Variants in PRKN observed in about 807,000 individuals in gnomAD.
PRKN encodes E3 ubiquitin-protein ligase parkin.
PRKN carries 56 observed loss-of-function variants against 59.5 expected under a neutral mutation model. The observed-to-expected ratio is 0.94, with a 90% CI of 0.76 to 1.18. The LOEUF is 1.18. Ranked by LOEUF, PRKN falls within the 50% of genes most tolerant of loss-of-function variation. PRKN has a pLI of 0.00. For synonymous variants in PRKN, 250 were observed against 222.1 expected (o/e 1.13, Z -1.12); for missense variants, 657 against 596.4 (o/e 1.10, Z -1.06).
intron 7 of PRKN, among the ~76,000 whole-genome samples, chr6:161,594,090 G>A (rs1358098727): frequency 6.6e-6 from 1 of 152,108 alleles, no homozygotes; most frequent in Non-Finnish European, 1.5e-5. Flanking sequence ...TTGAACCCTG[G>A]AGGCAGAGGT....
chr6:161,745,256 AGAGGGG>A (rs1251624448), intron 7 of PRKN, among the ~76,000 whole-genome samples: 1 of 152,220 alleles, frequency 6.6e-6, no homozygotes, highest in Non-Finnish European at 1.5e-5. Flanking sequence ...ACATGTTTCC[AGAGGGG>A]GCCCTCAGTG....
At chr6:162,596,546 A>G (rs1306428032) in intron 1 of PRKN, among the ~76,000 whole-genome samples, 2 of 152,180 alleles carry the variant, frequency 1.3e-5, no homozygotes, top group Non-Finnish European at 2.9e-5. Flanking sequence ...AAATAAAGCA[A>G]TTGTCTTCTC....
intron 7 of PRKN, among the ~76,000 whole-genome samples, chr6:161,595,446 A>G (rs1446075388): frequency 3.9e-5 from 6 of 152,184 alleles, no homozygotes; most frequent in Non-Finnish European, 8.8e-5. Context: ...CTGCTTTCCC[A>G]TTGTTGTGTT....
At chr6:161,375,900 T>C (rs1785678784) in intron 10 of PRKN, among the ~76,000 whole-genome samples, 2 of 152,002 alleles carry the variant, frequency 1.3e-5, no homozygotes, top group Admixed American at 1.3e-4. Flanking sequence ...GGGTCCAGGG[T>C]CATGGATTCA....
At chr6:162,119,499 C>A (rs1263510691) in intron 4 of PRKN, among the ~76,000 whole-genome samples, 1 of 152,138 alleles carries the variant, frequency 6.6e-6, no homozygotes, top group East Asian at 1.9e-4. Context: ...CAACAGGAGG[C>A]AGGAATTCAC....
At chr6:162,555,302 C>T (rs1779516252) in intron 1 of PRKN, among the ~76,000 whole-genome samples, 1 of 152,182 alleles carries the variant, frequency 6.6e-6, no homozygotes, top group South Asian at 2.1e-4. Context: ...TCTAACCCAA[C>T]CAGTAAAATA....
intron 1 of PRKN, among the ~76,000 whole-genome samples, chr6:162,615,777 G>GGA (rs1782383946): frequency 6.6e-6 from 1 of 152,148 alleles, no homozygotes. Flanking sequence ...TAGAAGAGAG[G>GGA]GACGAAGAAC....
At chr6:162,004,519 T>C (rs933085516) in intron 5 of PRKN, among the ~76,000 whole-genome samples, 1 of 152,222 alleles carries the variant, frequency 6.6e-6, no homozygotes, top group Non-Finnish European at 1.5e-5. Context: ...ATTTGGTGCT[T>C]ACTGCTTAAT....
intron 6 of PRKN, among the ~76,000 whole-genome samples, chr6:161,968,039 G>A (rs1780648099): frequency 6.6e-6 from 1 of 151,108 alleles, no homozygotes. Flanking sequence ...TTTTTCTTTT[G>A]AGACACAGTT....
intron 6 of PRKN, among the ~76,000 whole-genome samples, chr6:161,941,214 C>T (rs931816518): frequency 1.3e-5 from 2 of 152,190 alleles, no homozygotes; most frequent in Admixed American, 1.3e-4. Context: ...TCCACATCCC[C>T]ATCCTGTGCC....
intron 7 of PRKN, among the ~76,000 whole-genome samples, chr6:161,626,302 G>A (rs755075141): frequency 7.2e-5 from 11 of 152,132 alleles, no homozygotes; most frequent in Non-Finnish European, 1.3e-4. Context: ...ACCAAAGAAA[G>A]GATGGTTCTG....
At chr6:162,289,732 C>T (rs754091276) in intron 2 of PRKN, among the ~76,000 whole-genome samples, 13 of 151,330 alleles carry the variant, frequency 8.6e-5, no homozygotes, top group African/African-American at 2.2e-4. Flanking sequence ...CACTCCATAA[C>T]GCCCATAAAA....
At chr6:161,746,583 ATATACACACACACAT>A (rs1788424120) in intron 7 of PRKN, among the ~76,000 whole-genome samples, 1 of 146,010 alleles carries the variant, frequency 6.8e-6, no homozygotes, top group Non-Finnish European at 1.5e-5. Context: ...ATATATATAT[ATATACACACACACAT>A]TATACACACA....
intron 7 of PRKN, among the ~76,000 whole-genome samples, chr6:161,674,741 T>C (rs1785029025): frequency 2.0e-5 from 3 of 152,204 alleles, no homozygotes; most frequent in Middle Eastern, 3.2e-3. Flanking sequence ...TCATATAATC[T>C]GTGACATCTC....
At chr6:162,547,481 T>C (rs1007291316) in intron 1 of PRKN, among the ~76,000 whole-genome samples, 2 of 152,208 alleles carry the variant, frequency 1.3e-5, no homozygotes, top group African/African-American at 4.8e-5. Flanking sequence ...CAAAAACCCG[T>C]CGATTGAAGT....
chr6:162,323,953 T>C (rs571509167), intron 2 of PRKN, among the ~76,000 whole-genome samples: 3 of 150,970 alleles, frequency 2.0e-5, no homozygotes, highest in African/African-American at 4.9e-5. Flanking sequence ...GTAACTTTAT[T>C]TATAACAGTG....
intron 6 of PRKN, among the ~76,000 whole-genome samples, chr6:161,887,315 A>C (rs1795190664): frequency 6.6e-6 from 1 of 152,216 alleles, no homozygotes; most frequent in Admixed American, 6.5e-5. Context: ...GATGCTGAGC[A>C]AAGAAATTAA....
rs918773344 is a variant in PRKN, at chr6:161,466,373, A to G, written c.1084-79496T>C. 5.3e-5 allele frequency among the ~76,000 whole-genome samples: 8 copies of G among 152,188 alleles called. No individual in the cohort carries two copies. Among genetic ancestry groups the G allele is most frequent in the African/African-American group, 1.9e-4 (8 of 41,416 alleles). On this transcript the variant is annotated intron_variant, in intron 9 of 11. Transcript: ENST00000366898. This position sits in a 1 kb window ranked among gnomAD's most constrained non-coding sequence, Gnocchi z 5.0. Reference sequence around the variant, plus strand: ...TTTGATCTCAGCTCTCTGATGGGTTAAAAAATCTCTGAAACTATGTAAGCT... The same window carrying G: ...TTTGATCTCAGCTCTCTGATGGGTTGAAAAATCTCTGAAACTATGTAAGCT...
chr6:161,971,896 G>A (rs1158557202), intron 6 of PRKN, among the ~76,000 whole-genome samples: 1 of 152,124 alleles, frequency 6.6e-6, no homozygotes, highest in Non-Finnish European at 1.5e-5. Context: ...AAAATGATTA[G>A]GGTATATGAC....
Sources: allele counts gnomAD v4.1 joint callset (sites outside exome capture counted in the v4.1 genomes callset), GRCh38; gene constraint gnomAD v4.1.1; non-coding constraint Gnocchi (gnomAD v3.1); transcripts MANE v1.5; gene names NCBI Gene and HGNC (gene_info 2026-07-23, HGNC 2026-07-21).